The following ZBTB7C variants were observed in gnomAD, a reference collection of about 807,000 sequenced individuals.
ZBTB7C encodes the protein zinc finger and BTB domain containing 7C, also known as zinc finger and BTB domain-containing protein 7C.
ZBTB7C carries 8 observed loss-of-function variants against 25.7 expected under a neutral mutation model. That is an observed-to-expected ratio of 0.31 (90% CI 0.18 to 0.56). The LOEUF (loss-of-function observed/expected upper bound fraction) is 0.56, where lower values mean the gene tolerates loss of function less well. Among genes scored for constraint, ZBTB7C ranks in the 20% least tolerant of loss-of-function variants. The pLI is 0.91. For missense variants in ZBTB7C, 824 were observed against 855.2 expected (o/e 0.96, Z 0.46); for synonymous variants, 394 against 369.0 (o/e 1.07, Z -0.78).
At chr18:48,056,802 A>G (rs1443973868) in intron 3 of ZBTB7C, among the ~76,000 whole-genome samples, 1 of 152,156 alleles carries the variant, frequency 6.6e-6, no homozygotes, top group Non-Finnish European at 1.5e-5. Context: ...TTGAAGAACT[A>G]CTTTATAATT....
intron 2 of ZBTB7C, among the ~76,000 whole-genome samples, chr18:48,315,288 G>A (rs1467427305): frequency 5.9e-5 from 9 of 152,140 alleles, no homozygotes; most frequent in Non-Finnish European, 8.8e-5. Flanking sequence ...CACAGGACTC[G>A]GGGATTTTTG....
At chr18:48,247,740 G>GA (rs1243169342) in intron 2 of ZBTB7C, among the ~76,000 whole-genome samples, 4 of 152,150 alleles carry the variant, frequency 2.6e-5, no homozygotes, top group African/African-American at 9.7e-5. Flanking sequence ...TTGGATCACG[G>GA]GGGTAGTTTC....
At chr18:48,400,090 T>C (rs187196920) in intron 1 of ZBTB7C, among the ~76,000 whole-genome samples, 46 of 152,316 alleles carry the variant, frequency 3.0e-4, no homozygotes, top group Admixed American at 2.0e-3. Context: ...ACATGTCACC[T>C]TTCAAAAGTA....
At chr18:48,063,051 C>CTCATCCCT (rs1293520599) in intron 3 of ZBTB7C, among the ~76,000 whole-genome samples, 5 of 152,224 alleles carry the variant, frequency 3.3e-5, no homozygotes, top group Non-Finnish European at 7.3e-5. Context: ...AGACACCATT[C>CTCATCCCT]TCATCCCTGA....
At chr18:48,320,797 C>G (rs1160009565) in intron 2 of ZBTB7C, among the ~76,000 whole-genome samples, 3 of 152,210 alleles carry the variant, frequency 2.0e-5, no homozygotes, top group Non-Finnish European at 2.9e-5. Context: ...AGGCGGCCAC[C>G]ACCTCTGATT....
chr18:48,201,684 T>C (rs1359954286), intron 2 of ZBTB7C, among the ~76,000 whole-genome samples: 1 of 152,164 alleles, frequency 6.6e-6, no homozygotes, highest in Non-Finnish European at 1.5e-5. Flanking sequence ...TAAAAATTTG[T>C]TATGAAATAT....
At chr18:48,112,079 T>C (rs2039260954) in intron 3 of ZBTB7C, among the ~76,000 whole-genome samples, 1 of 152,124 alleles carries the variant, frequency 6.6e-6, no homozygotes, top group Admixed American at 6.5e-5. Flanking sequence ...CTTGTGGCCA[T>C]TACAAAAATA....
At chr18:48,047,067 G>GT (rs1259627671) in intron 3 of ZBTB7C, among the ~76,000 whole-genome samples, 1 of 152,194 alleles carries the variant, frequency 6.6e-6, no homozygotes, top group African/African-American at 2.4e-5. Context: ...ACTAACCTCA[G>GT]TGGCAGGGAT....
At chr18:48,246,298 C>T (rs567792022) in intron 2 of ZBTB7C, among the ~76,000 whole-genome samples, 58 of 151,990 alleles carry the variant, frequency 3.8e-4, no homozygotes, top group African/African-American at 1.2e-3. Flanking sequence ...GGCGTGGTGG[C>T]GGGTGCCTGT....
chr18:48,188,894 C>T (rs192162439), intron 2 of ZBTB7C, among the ~76,000 whole-genome samples: 4 of 152,350 alleles, frequency 2.6e-5, no homozygotes, highest in Admixed American at 2.6e-4. Flanking sequence ...CCTCCCTCAT[C>T]AAGCCTTCCA....
chr18:48,395,911 T>A (rs931522470), intron 1 of ZBTB7C, among the ~76,000 whole-genome samples: 6 of 152,134 alleles, frequency 3.9e-5, no homozygotes, highest in African/African-American at 1.4e-4. Flanking sequence ...AAGCTTTTAG[T>A]TAAACAATGG....
chr18:48,191,776 CAG>C (rs1181125721), intron 2 of ZBTB7C, among the ~76,000 whole-genome samples: 26 of 152,166 alleles, frequency 1.7e-4, no homozygotes, highest in African/African-American at 6.3e-4. Context: ...AGGGAGGCAG[CAG>C]CTGCCCCTCC....
At chr18:48,407,127 C>T (rs2048300431) in intron 1 of ZBTB7C, among the ~76,000 whole-genome samples, 1 of 152,202 alleles carries the variant, frequency 6.6e-6, no homozygotes, top group African/African-American at 2.4e-5. Flanking sequence ...GATAATTGCT[C>T]ATCTTTCTCA....
chr18:48,257,508 G>T (rs2044054071), intron 2 of ZBTB7C, among the ~76,000 whole-genome samples: 1 of 152,070 alleles, frequency 6.6e-6, no homozygotes, highest in South Asian at 2.1e-4. Context: ...TTCTACATGA[G>T]CTCTTCCAGA....
chr18:48,263,773 C>T (rs1352953931), intron 2 of ZBTB7C, among the ~76,000 whole-genome samples: 1 of 150,980 alleles, frequency 6.6e-6, no homozygotes, highest in African/African-American at 2.4e-5. Flanking sequence ...AATCATAAAC[C>T]AACATATTAA....
At chr18:48,243,410 C>A (rs367959397) in intron 2 of ZBTB7C, among the ~76,000 whole-genome samples, 1 of 151,924 alleles carries the variant, frequency 6.6e-6, no homozygotes, top group African/African-American at 2.4e-5. Flanking sequence ...AAGAACTCAA[C>A]CCCTTTTACG....
intron 2 of ZBTB7C, among the ~76,000 whole-genome samples, chr18:48,291,453 G>A (rs1419164358): frequency 6.6e-6 from 1 of 152,102 alleles, no homozygotes; most frequent in Non-Finnish European, 1.5e-5. Flanking sequence ...CTCCAAGGTG[G>A]TAAGGTGGCA....
chr18:48,096,173 A>G (rs1280641061), intron 3 of ZBTB7C, among the ~76,000 whole-genome samples: 1 of 152,250 alleles, frequency 6.6e-6, no homozygotes, highest in African/African-American at 2.4e-5. Context: ...GGAAAAGGAA[A>G]AAGGGAAAAG....
At chr18:48,285,341 A>T (rs1407467128) in intron 2 of ZBTB7C, among the ~76,000 whole-genome samples, 1 of 152,156 alleles carries the variant, frequency 6.6e-6, no homozygotes, top group Non-Finnish European at 1.5e-5. Context: ...AAGATTCATG[A>T]TTATTATATG....
Sources: allele counts gnomAD v4.1 joint callset (sites outside exome capture counted in the v4.1 genomes callset), GRCh38; gene constraint gnomAD v4.1.1; transcripts MANE v1.5; gene names NCBI Gene and HGNC (gene_info 2026-07-23, HGNC 2026-07-21).